The following MIER1 variants were observed in gnomAD, a reference collection of about 807,000 sequenced individuals.
MIER1 encodes the protein MIER1 transcriptional regulator.
Under a neutral mutation model 75.7 loss-of-function variants are expected in MIER1, and 40 were observed. The ratio of observed to expected loss-of-function variants is 0.53; its 90% CI spans 0.41 to 0.69. MIER1 has a LOEUF of 0.69. Ranked by LOEUF, MIER1 falls within the 30% of genes least tolerant of loss-of-function variation. The pLI is 0.00. For missense variants in MIER1, 574 were observed against 680.2 expected (o/e 0.84, Z 1.74); for synonymous variants, 213 against 223.4 (o/e 0.95, Z 0.42).
rs529675981 is a variant in MIER1 at position 66,969,479 on chromosome 1, A to G, written c.773-1329A>G. Among the ~76,000 whole-genome samples the G allele has an allele frequency of 1.3e-3, 171 of 126,836 alleles. 1 individual carries two copies. Among genetic ancestry groups the G allele is most frequent in the African/African-American group, 4.9e-3 (169 of 34,306 alleles). The allele number at this position is 126,836 out of a possible 152,430, so 83.2% of individuals were successfully genotyped here. On this transcript the variant is annotated intron_variant, in intron 8 of 13. Transcript: ENST00000401041. Reference sequence around the variant, plus strand: ...AGAATTGCTTGAACCTGGGAGGCGGAGGTTGCAGTGAGCCAAGATCGCGCC... The same window carrying G: ...AGAATTGCTTGAACCTGGGAGGCGGGGGTTGCAGTGAGCCAAGATCGCGCC...
intron 2 of MIER1, among the ~76,000 whole-genome samples, chr1:66,935,627 A>C (rs966168525): frequency 2.0e-5 from 3 of 152,198 alleles, no homozygotes; most frequent in Admixed American, 6.5e-5. Flanking sequence ...GTGGTTAGAA[A>C]ATTTCAACAG....
At chr1:66,945,299 AT>A (rs1657308360) in intron 3 of MIER1, among the ~76,000 whole-genome samples, 1 of 136,226 alleles carries the variant, frequency 7.3e-6, no homozygotes, top group African/African-American at 3.2e-5. Context: ...ATATATATAT[AT>A]ATATATATAT....
rs973573432 is a variant in MIER1, at chr1:66,946,063, T to C, written c.194-87T>C. The C allele has an allele frequency of 7.1e-6, 9 of 1,260,160 alleles. No homozygotes were observed. The African/African-American group carries it at 1.4e-4, about 20-fold the overall frequency. 78.1% of individuals were successfully genotyped at this position (1,260,160 alleles called of 1,614,324 possible). On this transcript the variant is annotated intron_variant, in intron 3 of 13. Coordinates refer to ENST00000401041, the MANE Select transcript of MIER1 (RefSeq NM_001077700.3). ...TTTTTCTTGGTACTTTTGACTTACA[T>C]CCAGCATCAAATAAAAATATATACA...
Position 66,962,829 on chromosome 1 carries a change from CTTCT to C in MIER1, c.700-256_700-253del, listed in dbSNP as rs150922426. On this transcript the variant is annotated intron_variant, in intron 7 of 13. Transcript: ENST00000401041. Reference sequence around the variant, plus strand: ...TTACTAATGGAATTATCAGAATTCACTTCTTTGTCTCTATATTTTGAAATAAAGT... The same window carrying C: ...TTACTAATGGAATTATCAGAATTCACTTGTCTCTATATTTTGAAATAAAGT... Among the ~76,000 whole-genome samples the C allele has an allele frequency of 6.1e-3, 927 of 152,230 alleles. 7 individuals are homozygous for C. Among genetic ancestry groups the C allele is most frequent in the African/African-American group, 0.021 (860 of 41,538 alleles).
intron 4 of MIER1, chr1:66,947,875 T>G (rs933134371): frequency 1.0e-6 from 1 of 959,944 alleles, no homozygotes; most frequent in African/African-American, 1.8e-5. Flanking sequence ...TCAAGGGTTT[T>G]CAGCTCATTC....
Position 66,959,748 on chromosome 1 carries a change from T to G in MIER1, c.699+5T>G, listed in dbSNP as rs562429346. ...CCATCAGAAGACTGGAAAAAGGTAG[T>G]TAGAACAATATTTTCCCAAAATTTA... On this transcript the variant is annotated splice_donor_5th_base_variant and intron_variant, in intron 7 of 13. Coordinates refer to ENST00000401041, the MANE Select transcript of MIER1 (RefSeq NM_001077700.3). The G allele has an allele frequency of 2.9e-6, 4 of 1,370,678 alleles. No individual in the cohort carries two copies. The highest frequency in any genetic ancestry group is 3.9e-6 in the Non-Finnish European group (4 of 1,021,572). 84.9% of individuals were successfully genotyped at this position (1,370,678 alleles called of 1,614,324 possible).
intron 2 of MIER1, among the ~76,000 whole-genome samples, chr1:66,938,392 G>C (rs1655412966): frequency 6.6e-6 from 1 of 152,104 alleles, no homozygotes. Flanking sequence ...GTCTTATTTT[G>C]TGTGGATAGT....
intron 4 of MIER1, among the ~76,000 whole-genome samples, chr1:66,952,087 A>G (rs1359802296): frequency 6.6e-6 from 1 of 152,240 alleles, no homozygotes; most frequent in African/African-American, 2.4e-5. Flanking sequence ...AGTTAATGTC[A>G]TTCATAAGAT....
intron 2 of MIER1, chr1:66,930,140 C>T (rs1159034969): frequency 1.8e-5 from 20 of 1,113,576 alleles, no homozygotes; most frequent in South Asian, 3.8e-5. Context: ...CGGGGCCGCG[C>T]GCGCGCCCCT....
At chr1:66,954,607 G>A (rs1187877863) in intron 4 of MIER1, among the ~76,000 whole-genome samples, 1 of 152,058 alleles carries the variant, frequency 6.6e-6, no homozygotes, top group Non-Finnish European at 1.5e-5. Flanking sequence ...CCCTCTAAAT[G>A]CACTGTGATC....
At chr1:66,937,732 A>C (rs1279586427) in intron 2 of MIER1, among the ~76,000 whole-genome samples, 1 of 152,206 alleles carries the variant, frequency 6.6e-6, no homozygotes, top group Admixed American at 6.5e-5. Flanking sequence ...ATTTTGAAAG[A>C]TCATCATTTT....
chr1:66,963,181 C>A, intron 8 of MIER1, 21 bp downstream of exon 8: 1 of 1,460,402 alleles, frequency 6.8e-7, no homozygotes, highest in Non-Finnish European at 9.6e-7. Context: ...AGTAAAGTTA[C>A]GTAGCTGAAT....
chr1:66,987,714 A>G lies in MIER1; in HGVS notation c.*2814A>G, dbSNP rs918405256. On this transcript the variant is annotated 3_prime_UTR_variant, in exon 14 of 14. Transcript: ENST00000401041. ...AATATTTTCATTAGATTAATTCACTAAGATTTTATTAGAGATTGTTTGAAT... is the reference window on the plus strand; with the variant it reads ...AATATTTTCATTAGATTAATTCACTGAGATTTTATTAGAGATTGTTTGAAT... 7.0e-6 allele frequency: 1 copy of G among 143,858 alleles called. No homozygotes were observed. The highest frequency in any genetic ancestry group is 1.5e-5 in the Non-Finnish European group (1 of 66,236). The allele number at this position is 143,858 out of a possible 1,614,324, so 8.9% of individuals were successfully genotyped here.
At chr1:66,934,969 A>G (rs1461011078) in intron 2 of MIER1, among the ~76,000 whole-genome samples, 1 of 152,216 alleles carries the variant, frequency 6.6e-6, no homozygotes, top group Non-Finnish European at 1.5e-5. Context: ...ATAACTAAGT[A>G]GATGACGGCA....
In MIER1 at chr1:66,976,586, T is replaced by C; in HGVS notation, c.1102-9T>C. 6.4e-7 allele frequency: 1 copy of C among 1,554,936 alleles called. No individual in the cohort carries two copies. Among genetic ancestry groups the C allele is most frequent in the Non-Finnish European group, 8.7e-7 (1 of 1,152,902 alleles). On this transcript the variant is annotated splice_polypyrimidine_tract_variant and intron_variant, in intron 11 of 13. Transcript: ENST00000401041. Reference sequence around the variant, plus strand: ...GAGATTCTTAAAAGCAAGCATTTGTTTCTTACAGGTCCGAACAAGGTCAGT... The same window carrying C: ...GAGATTCTTAAAAGCAAGCATTTGTCTCTTACAGGTCCGAACAAGGTCAGT...
rs1651718646 is a variant in MIER1, at chr1:66,926,142, A to T, written c.68A>T (p.Tyr23Phe). 6.2e-7 allele frequency: 1 copy of T among 1,612,910 alleles called. No individual in the cohort carries two copies. Among genetic ancestry groups the T allele is most frequent in the African/African-American group, 1.3e-5 (1 of 74,866 alleles). ...EGGGGSSGSG[Y>F]GVVARFSQCL... Reference sequence around the variant, plus strand: ...TGAGGCTCTCTTTCCTTTGATCCAGATGGTGTGGTCGCTCGATTCTCCCAG... The same window carrying T: ...TGAGGCTCTCTTTCCTTTGATCCAGTTGGTGTGGTCGCTCGATTCTCCCAG... The change falls in exon 2 of 14, where the codon TAT becomes TTT. Residue 23 changes from tyrosine (Y) to phenylalanine (F), a missense_variant and splice_region_variant. By Grantham distance (22) the Tyr-to-Phe change is conservative (BLOSUM62 3). Around this residue, in one of 3 missense-constraint regions of MIER1, gnomAD observed 309 missense variants for 352.8 expected, o/e 0.88. Coordinates refer to ENST00000401041, the MANE Select transcript of MIER1 (RefSeq NM_001077700.3).
chr1:66,940,269 T>TA (rs1655880862), intron 3 of MIER1: 15 of 264,182 alleles, frequency 5.7e-5, no homozygotes, highest in East Asian at 5.7e-5. Context: ...TTTTGGGTTT[T>TA]CTTTTTTTTT....
intron 12 of MIER1, among the ~76,000 whole-genome samples, chr1:66,977,113 C>CT (rs777495629): frequency 0.01 from 1,490 of 143,964 alleles, 7 homozygotes; most frequent in African/African-American, 0.021. Flanking sequence ...TTTTAATCTT[C>CT]TTTTTTTTTT....
intron 8 of MIER1, among the ~76,000 whole-genome samples, chr1:66,967,515 T>C (rs909204640): frequency 2.6e-5 from 4 of 152,200 alleles, no homozygotes; most frequent in African/African-American, 7.2e-5. Flanking sequence ...AGGAACTTTT[T>C]TTCTATTTCT....
Sources: allele counts gnomAD v4.1 joint callset (sites outside exome capture counted in the v4.1 genomes callset), GRCh38; gene constraint gnomAD v4.1.1; regional missense constraint gnomAD v4.1.1; transcripts MANE v1.5; gene names NCBI Gene and HGNC (gene_info 2026-07-23, HGNC 2026-07-21).